KIAA1328: variants seen among roughly 807,000 people sequenced by gnomAD.
The protein encoded by KIAA1328 is protein hinderin.
Under a neutral mutation model 68.1 loss-of-function variants are expected in KIAA1328, and 52 were observed. That is an observed-to-expected ratio of 0.76 (90% CI 0.61 to 0.96). The LOEUF (loss-of-function observed/expected upper bound fraction) is 0.96, where lower values mean the gene tolerates loss of function less well. Ranked by LOEUF, KIAA1328 falls within the 40% of genes least tolerant of loss-of-function variation. The probability of loss-of-function intolerance (pLI) is 0.00; values close to 1 mark genes in which losing one functional copy is unlikely to be tolerated. For synonymous variants in KIAA1328, 232 were observed against 239.4 expected, an observed-to-expected ratio of 0.97 and a Z score of 0.28; for missense variants, 641 against 677.6, an observed-to-expected ratio of 0.95 and a Z score of 0.60.
At chr18:36,899,697 AGAAT>A (rs1232496924) in intron 5 of KIAA1328, among the ~76,000 whole-genome samples, 19 of 152,126 alleles carry the variant, frequency 1.2e-4, no homozygotes, top group Admixed American at 7.9e-4. Flanking sequence ...CTGCTAGGAA[AGAAT>A]GAAGTGGATC....
intron 9 of KIAA1328, among the ~76,000 whole-genome samples, chr18:37,198,581 C>T (rs1378500526): frequency 6.6e-6 from 1 of 152,018 alleles, no homozygotes; most frequent in Non-Finnish European, 1.5e-5. Flanking sequence ...TCTTGGTTAT[C>T]CAGTAAGCAA....
chr18:37,081,083 C>G (rs1231651055), intron 7 of KIAA1328, among the ~76,000 whole-genome samples: 3 of 151,970 alleles, frequency 2.0e-5, no homozygotes, highest in African/African-American at 7.2e-5. Flanking sequence ...CAGGTTCAAG[C>G]AATTCTCCTG....
chr18:36,881,809 G>A (rs1029277519), intron 4 of KIAA1328, among the ~76,000 whole-genome samples: 1 of 152,152 alleles, frequency 6.6e-6, no homozygotes, highest in Admixed American at 6.5e-5. Context: ...CTTTATTGCT[G>A]AATAACTTTC....
chr18:36,931,232 G>A (rs1186618945), intron 5 of KIAA1328, among the ~76,000 whole-genome samples: 1 of 152,092 alleles, frequency 6.6e-6, no homozygotes, highest in Non-Finnish European at 1.5e-5. Flanking sequence ...CCCCTGGGCT[G>A]CAGACCAGTA....
intron 5 of KIAA1328, among the ~76,000 whole-genome samples, chr18:36,953,252 G>A (rs1002378765): frequency 6.8e-6 from 1 of 146,332 alleles, no homozygotes; most frequent in African/African-American, 2.5e-5. Context: ...AATATATAGT[G>A]TAATATTTAA....
chr18:37,228,137 C>G (rs757779532), downstream of KIAA1328, among the ~76,000 whole-genome samples: 1 of 152,150 alleles, frequency 6.6e-6, no homozygotes, highest in Non-Finnish European at 1.5e-5. Flanking sequence ...GCTGCAATCT[C>G]ATGATAAAAC....
chr18:36,908,067 G>T (rs2049286901), intron 5 of KIAA1328, among the ~76,000 whole-genome samples: 1 of 152,016 alleles, frequency 6.6e-6, no homozygotes, highest in South Asian at 2.1e-4. Flanking sequence ...TCTCAAGTTG[G>T]AGTAATACAG....
At chr18:36,858,390 G>C (rs2047449071) in intron 4 of KIAA1328, among the ~76,000 whole-genome samples, 1 of 151,948 alleles carries the variant, frequency 6.6e-6, no homozygotes, top group African/African-American at 2.4e-5. Flanking sequence ...AATAATTTTA[G>C]ACTTACAGAT....
intron 7 of KIAA1328, among the ~76,000 whole-genome samples, chr18:37,136,273 A>G (rs1386591804): frequency 3.3e-5 from 5 of 152,196 alleles, no homozygotes; most frequent in Non-Finnish European, 5.9e-5. Flanking sequence ...ATGAGGTCCT[A>G]TAAATTTATA....
chr18:37,105,445 T>C (rs955477508), intron 7 of KIAA1328, among the ~76,000 whole-genome samples: 2 of 144,848 alleles, frequency 1.4e-5, no homozygotes, highest in Admixed American at 1.5e-4. Context: ...AAGCTATGAA[T>C]GCTGCACTCT....
intron 9 of KIAA1328, among the ~76,000 whole-genome samples, chr18:37,192,145 T>TTG (rs10667132): frequency 0.66 from 96,064 of 144,540 alleles, 31,798 homozygotes; most frequent in East Asian, 0.73. Flanking sequence ...AGTCAAGAAA[T>TTG]TGTGTGTGTG....
intron 6 of KIAA1328, among the ~76,000 whole-genome samples, chr18:37,028,980 TTTG>T (rs2054709362): frequency 6.6e-6 from 1 of 152,132 alleles, no homozygotes; most frequent in Non-Finnish European, 1.5e-5. Flanking sequence ...CCTGAAGTGT[TTTG>T]TTGTTGTGTC....
intron 6 of KIAA1328, among the ~76,000 whole-genome samples, chr18:36,982,323 A>G (rs1182741389): frequency 6.6e-6 from 1 of 151,188 alleles, no homozygotes; most frequent in Non-Finnish European, 1.5e-5. Flanking sequence ...ATCTAAACAC[A>G]TGTATACCAA....
chr18:36,929,517 G>A (rs1015613498), intron 5 of KIAA1328, among the ~76,000 whole-genome samples: 2 of 152,056 alleles, frequency 1.3e-5, no homozygotes, highest in South Asian at 4.1e-4. Flanking sequence ...CTGGAGTACT[G>A]ACGGGTTTTA....
intron 7 of KIAA1328, among the ~76,000 whole-genome samples, chr18:37,095,004 T>C (rs2057365878): frequency 6.6e-6 from 1 of 151,118 alleles, no homozygotes; most frequent in Non-Finnish European, 1.5e-5. Context: ...ATTAATATAA[T>C]GGTGTAGGCA....
At chr18:36,953,373 TATA>T (rs2051246556) in intron 5 of KIAA1328, among the ~76,000 whole-genome samples, 1 of 140,712 alleles carries the variant, frequency 7.1e-6, no homozygotes, top group African/African-American at 2.6e-5. Context: ...TGCCAACAAC[TATA>T]GATAGATAGA....
chr18:37,012,149 C>T (rs2054000380), intron 6 of KIAA1328, among the ~76,000 whole-genome samples: 1 of 152,060 alleles, frequency 6.6e-6, no homozygotes, highest in African/African-American at 2.4e-5. Context: ...GACTTCAGAA[C>T]AATATAGAAC....
At chr18:36,904,215 A>G (rs1412444926) in intron 5 of KIAA1328, among the ~76,000 whole-genome samples, 2 of 152,150 alleles carry the variant, frequency 1.3e-5, no homozygotes, top group Non-Finnish European at 2.9e-5. Context: ...TTAACATAGC[A>G]TAATATTAAT....
chr18:37,105,036 A>G (rs2057730612), intron 7 of KIAA1328, among the ~76,000 whole-genome samples: 1 of 152,200 alleles, frequency 6.6e-6, no homozygotes, highest in Non-Finnish European at 1.5e-5. Context: ...ACCCACAACT[A>G]ACCTTTTCGC....
Sources: allele counts gnomAD v4.1 joint callset (sites outside exome capture counted in the v4.1 genomes callset), GRCh38; gene constraint gnomAD v4.1.1; transcripts MANE v1.5; gene names NCBI Gene and HGNC (gene_info 2026-07-23, HGNC 2026-07-21).